ZNF454: variants seen among roughly 807,000 people sequenced by gnomAD.
ZNF454 encodes the protein zinc finger protein 454.
ZNF454 carries 30 observed loss-of-function variants against 48.2 expected under a neutral mutation model. That is an observed-to-expected ratio of 0.62 (90% CI 0.47 to 0.84). The LOEUF is 0.84. ZNF454 is among the 40% of genes least tolerant of loss of function. The probability of loss-of-function intolerance (pLI) is 0.00; values close to 1 mark genes in which losing one functional copy is unlikely to be tolerated. For synonymous variants in ZNF454, 204 were observed against 211.4 expected, an observed-to-expected ratio of 0.97 and a Z score of 0.30; for missense variants, 510 against 623.1, an observed-to-expected ratio of 0.82 and a Z score of 1.93.
chr5:178,968,795 G>T (rs780208267), downstream of ZNF454: 12 of 456,578 alleles, frequency 2.6e-5, no homozygotes, highest in Admixed American at 1.4e-4. Context: ...TGTAATGAAC[G>T]CATGAGAACT....
At chr5:178,985,559 C>T in the ZNF454 span, 4,299 of 337,068 alleles carry the variant, frequency 0.013, 37 homozygotes, top group African/African-American at 0.026. Flanking sequence ...AAAAATTAGC[C>T]GGGCGTGGTG....
At chr5:178,986,085 A>G in the ZNF454 span, 1 of 1,575,526 alleles carries the variant, frequency 6.3e-7, no homozygotes, top group Non-Finnish European at 8.6e-7. Context: ...AACGTTGCGG[A>G]CAGTCCCCCT....
At chr5:178,982,291 A>G in the ZNF454 span, among the ~76,000 whole-genome samples, 1 of 152,208 alleles carries the variant, frequency 6.6e-6, no homozygotes, top group Non-Finnish European at 1.5e-5. Context: ...TATAAAGCAC[A>G]TGAAGCCTGG....
At chr5:178,945,814 G>T (rs1561694714) in intron 2 of ZNF454, among the ~76,000 whole-genome samples, 2 of 151,954 alleles carry the variant, frequency 1.3e-5, no homozygotes, top group African/African-American at 2.4e-5. Context: ...TGTTCCAGAT[G>T]CAGGGAAGGC....
chr5:178,973,842 C>CAA, the ZNF454 span, among the ~76,000 whole-genome samples: 1 of 101,906 alleles, frequency 9.8e-6, no homozygotes, highest in African/African-American at 4.0e-5. Flanking sequence ...GACTTCATCT[C>CAA]AAAAAAAAAA....
At chr5:178,951,146 C>T (rs934661633) in intron 4 of ZNF454, among the ~76,000 whole-genome samples, 1 of 152,340 alleles carries the variant, frequency 6.6e-6, no homozygotes, top group South Asian at 2.1e-4. Flanking sequence ...GCATGAGCCA[C>T]TGCACCCGGC....
At chr5:178,973,799 C>T in the ZNF454 span, among the ~76,000 whole-genome samples, 26 of 148,006 alleles carry the variant, frequency 1.8e-4, no homozygotes, top group African/African-American at 6.2e-4. Flanking sequence ...GCCGAGATCG[C>T]GCCACTGCAC....
chr5:178,987,718 G>A, the ZNF454 span, among the ~76,000 whole-genome samples: 1 of 152,002 alleles, frequency 6.6e-6, no homozygotes, highest in Admixed American at 6.5e-5. Flanking sequence ...AAGAGTTCTG[G>A]GGATAGATGG....
At chr5:178,967,997 C>A (rs571425066), downstream of ZNF454, among the ~76,000 whole-genome samples, 18 of 152,136 alleles carry the variant, frequency 1.2e-4, no homozygotes, top group East Asian at 3.5e-3. Context: ...CCTCGGCCTC[C>A]CCAGGTGCTG....
In ZNF454 at chr5:178,946,259, C is replaced by A; in HGVS notation, c.34-100C>A. 6.5e-7 allele frequency: 1 copy of A among 1,529,108 alleles called. No homozygotes were observed. The highest frequency in any genetic ancestry group is 1.2e-5 in the South Asian group (1 of 80,504). The allele number at this position is 1,529,108 out of a possible 1,614,324, so 94.7% of individuals were successfully genotyped here. The stretch of plus-strand genomic sequence containing the variant: ...GCCAGCTCCCTGTGTGCCAGCAGTC[C>A]TGTAAATGCGCACAAGCTCCTAGGG... On this transcript the variant is annotated intron_variant, in intron 2 of 4. Coordinates refer to ENST00000519564, the MANE Select transcript of ZNF454 (RefSeq NM_001178089.3). This position sits in a 1 kb window ranked among gnomAD's most constrained non-coding sequence, Gnocchi z 4.5.
chr5:178,946,942 G>A lies in ZNF454; in HGVS notation c.206G>A (p.Arg69Lys), dbSNP rs760585050. 1.9e-6 allele frequency: 3 copies of A among 1,614,064 alleles called. No homozygotes were observed. The highest frequency in any genetic ancestry group is 3.3e-5 in the Admixed American group (2 of 60,002). ...GATACGTTTTCCCAGCTAGAAAAAA[G>A]GGAAGTGTGGATGCCAGAGGACACC... ...KPDTFSQLEK[R>K]EVWMPEDTPG... The change falls in exon 4 of 5, where the codon AGG becomes AAG. Residue 69 changes from arginine to lysine, a missense_variant. By Grantham distance (26) the Arg-to-Lys change is conservative. Transcript: ENST00000519564. The surrounding 1 kb of genome is among the most constrained non-coding windows in gnomAD (Gnocchi z 4.5).
downstream of ZNF454, chr5:178,969,364 C>T (rs1166003388): frequency 6.9e-6 from 3 of 432,496 alleles, no homozygotes; most frequent in Non-Finnish European, 1.4e-5. Context: ...TCAGTACTTA[C>T]TGAGAGGGAG....
chr5:178,958,949 C>A (rs1164179120), intron 4 of ZNF454, among the ~76,000 whole-genome samples: 2 of 151,742 alleles, frequency 1.3e-5, no homozygotes, highest in Non-Finnish European at 2.9e-5. Flanking sequence ...ATATTGTTTC[C>A]CACTCTGGAT....
At position 178,964,282 on chromosome 5, in the gene ZNF454, G is replaced by A. The variant is rs528936553; in HGVS notation, c.251-373G>A. 8.6e-5 allele frequency among the ~76,000 whole-genome samples: 13 copies of A among 151,844 alleles called. No homozygotes were observed. In the East Asian group the frequency reaches 1.6e-3, roughly 19 times the overall value. ...ACTACAGGCTCCCACCACCACGCCC[G>A]GCTAATTTTTTGCATTTTTAGTAGA... On this transcript the variant is annotated intron_variant, in intron 4 of 4. Coordinates refer to ENST00000519564, the MANE Select transcript of ZNF454 (RefSeq NM_001178089.3).
chr5:178,941,613 G>T lies in ZNF454; in HGVS notation c.-108+169G>T, dbSNP rs926547562. Among the ~76,000 whole-genome samples the T allele has an allele frequency of 2.0e-5, 3 of 152,054 alleles. No individual in the cohort carries two copies. The highest frequency in any genetic ancestry group is 4.1e-4 in the South Asian group (2 of 4,822). ...GTTTCCTCTCAGGTGATAGATACAC[G>T]CCTGGCGTGGTTCCGAGTCCTGCGC... On this transcript the variant is annotated intron_variant, in intron 1 of 4. Transcript: ENST00000519564. This position sits in a 1 kb window ranked among gnomAD's most constrained non-coding sequence, Gnocchi z 5.5.
intron 4 of ZNF454, among the ~76,000 whole-genome samples, chr5:178,948,484 C>T (rs1759424468): frequency 6.6e-6 from 1 of 152,170 alleles, no homozygotes; most frequent in Non-Finnish European, 1.5e-5. Flanking sequence ...TCTAATTCTT[C>T]ATTGCACCCT....
At chr5:178,988,605 A>G in the ZNF454 span, among the ~76,000 whole-genome samples, 1 of 152,036 alleles carries the variant, frequency 6.6e-6, no homozygotes, top group Non-Finnish European at 1.5e-5. The surrounding 1 kb of genome is among the most constrained non-coding windows in gnomAD (Gnocchi z 6.0). Context: ...CCCCACGTGC[A>G]CCCCCAGGGT....
At chr5:178,986,422 T>C in the ZNF454 span, 5 of 1,613,542 alleles carry the variant, frequency 3.1e-6, no homozygotes, top group Non-Finnish European at 4.2e-6. Flanking sequence ...GGGCGTGTTG[T>C]TGTACCGCAC....
chr5:178,959,084 A>T (rs1025791567), intron 4 of ZNF454, among the ~76,000 whole-genome samples: 1 of 152,000 alleles, frequency 6.6e-6, no homozygotes, highest in Non-Finnish European at 1.5e-5. Flanking sequence ...CATCTTAAGC[A>T]CATGAAGATC....
Sources: allele counts gnomAD v4.1 joint callset (sites outside exome capture counted in the v4.1 genomes callset), GRCh38; gene constraint gnomAD v4.1.1; non-coding constraint Gnocchi (gnomAD v3.1); transcripts MANE v1.5; gene names NCBI Gene and HGNC (gene_info 2026-07-23, HGNC 2026-07-21).